The following LAMA3 variants were observed in gnomAD, a reference collection of about 807,000 sequenced individuals.
LAMA3 encodes the protein laminin subunit alpha-3.
In LAMA3, 281 loss-of-function variants were observed where a neutral mutation model predicts 402.0. The ratio of observed to expected loss-of-function variants is 0.70; its 90% CI spans 0.63 to 0.77. LAMA3 has a LOEUF of 0.77. LAMA3 is among the 30% of genes least tolerant of loss of function. The pLI is 0.00. For synonymous variants in LAMA3, 1,431 were observed against 1,558.4 expected, an observed-to-expected ratio of 0.92 and a Z score of 1.93; for missense variants, 3,840 against 4,215.5, an observed-to-expected ratio of 0.91 and a Z score of 2.47.
intron 60 of LAMA3, among the ~76,000 whole-genome samples, chr18:23,916,916 G>A (rs2081648122): frequency 6.7e-6 from 1 of 150,288 alleles, no homozygotes; most frequent in Admixed American, 6.6e-5. Context: ...GTGCAGGTTT[G>A]TTATATAGGT....
intron 14 of LAMA3, among the ~76,000 whole-genome samples, chr18:23,813,884 T>C (rs537488897): frequency 2.0e-5 from 3 of 152,212 alleles, no homozygotes; most frequent in Non-Finnish European, 2.9e-5. Context: ...ATTGTCTGTC[T>C]TCTTGGCCTC....
At chr18:23,849,450 CAGGAAGAG>C (rs2144651207) in intron 32 of LAMA3, among the ~76,000 whole-genome samples, 1 of 152,266 alleles carries the variant, frequency 6.6e-6, no homozygotes, top group South Asian at 2.1e-4. Context: ...AGTTTTCAGG[CAGGAAGAG>C]AAGCAGTAGA....
At chr18:23,740,063 G>T (rs182135252) in intron 2 of LAMA3, among the ~76,000 whole-genome samples, 3 of 152,194 alleles carry the variant, frequency 2.0e-5, no homozygotes, top group African/African-American at 7.2e-5. Flanking sequence ...AACCAGGTCC[G>T]AGACAAAACA....
chr18:23,816,389 G>T lies in LAMA3; in HGVS notation c.2049G>T (p.Gly683=), dbSNP rs757562507. 1.9e-6 allele frequency: 3 copies of T among 1,613,676 alleles called. No individual in the cohort carries two copies. The highest frequency in any genetic ancestry group is 2.5e-6 in the Non-Finnish European group (3 of 1,179,580). ...LEKSNYFGCQ[G]CQCDIGGALS... ...CTGCTGCTGTTTCCTGGCTTTCAGG[G>T]TGTCAGTGTGACATTGGTGGGGCAT... Residue 683 remains glycine, a splice_region_variant and synonymous_variant, in exon 18 of 75, where the codon GGG becomes GGT. Coordinates refer to ENST00000313654, the MANE Select transcript of LAMA3 (RefSeq NM_198129.4).
At chr18:23,717,484 T>C (rs552583627) in intron 2 of LAMA3, among the ~76,000 whole-genome samples, 2 of 152,038 alleles carry the variant, frequency 1.3e-5, no homozygotes, top group South Asian at 2.1e-4. Flanking sequence ...GTGTTTTTCA[T>C]TGTTATTTTT....
chr18:23,720,664 T>C (rs893832331), intron 2 of LAMA3, among the ~76,000 whole-genome samples: 1 of 152,164 alleles, frequency 6.6e-6, no homozygotes, highest in African/African-American at 2.4e-5. Context: ...TTAATGAACA[T>C]CATCATGAGG....
chr18:23,913,061 C>T (rs920618987), intron 56 of LAMA3, among the ~76,000 whole-genome samples, 180 bp downstream of exon 56: 14 of 152,208 alleles, frequency 9.2e-5, no homozygotes, highest in Non-Finnish European at 2.1e-4. Context: ...GCAGTGCCCT[C>T]GAGGGGCCTC....
At chr18:23,787,804 A>G (rs2062574445) in intron 12 of LAMA3, among the ~76,000 whole-genome samples, 1 of 152,190 alleles carries the variant, frequency 6.6e-6, no homozygotes. Flanking sequence ...AACCTGACTT[A>G]TAAGAAATAA....
At chr18:23,805,495 T>C (rs1173666774) in intron 12 of LAMA3, among the ~76,000 whole-genome samples, 1 of 152,156 alleles carries the variant, frequency 6.6e-6, no homozygotes, top group Non-Finnish European at 1.5e-5. Flanking sequence ...ACTCCATAGG[T>C]CAGGGAACCA....
At chr18:23,923,598 T>C (rs2145332318) in intron 62 of LAMA3, among the ~76,000 whole-genome samples, 1 of 152,232 alleles carries the variant, frequency 6.6e-6, no homozygotes, top group Non-Finnish European at 1.5e-5. Flanking sequence ...TCCAGGAGCC[T>C]GAGACACAGC....
chr18:23,871,710 C>T, intron 38 of LAMA3, 49 bp downstream of exon 38: 5 of 1,464,716 alleles, frequency 3.4e-6, no homozygotes, highest in Non-Finnish European at 4.7e-6. Flanking sequence ...CTCCTGTGGC[C>T]GTTTTTGGCT....
intron 66 of LAMA3, among the ~76,000 whole-genome samples, chr18:23,932,960 T>C (rs948415544): frequency 1.3e-5 from 2 of 152,172 alleles, no homozygotes; most frequent in African/African-American, 4.8e-5. Flanking sequence ...AACATCTTCC[T>C]TGAACATCTA....
intron 1 of LAMA3, among the ~76,000 whole-genome samples, chr18:23,707,342 T>G (rs1470587607): frequency 6.6e-6 from 1 of 152,234 alleles, no homozygotes; most frequent in Admixed American, 6.5e-5. Context: ...ACTTCTTGCC[T>G]GCTGGCTTCC....
chr18:23,843,907 G>A (rs1200428902), intron 29 of LAMA3, among the ~76,000 whole-genome samples: 1 of 152,056 alleles, frequency 6.6e-6, no homozygotes, highest in Non-Finnish European at 1.5e-5. Context: ...GACATTTTCT[G>A]TCTGTTTCTC....
intron 27 of LAMA3, among the ~76,000 whole-genome samples, chr18:23,840,419 A>G (rs2063675605): frequency 8.6e-6 from 1 of 116,010 alleles, no homozygotes; most frequent in Admixed American, 1.2e-4. Flanking sequence ...TTCTTGCTCT[A>G]TCACTCAAAC....
At chr18:23,791,457 C>T (rs1384663748) in intron 12 of LAMA3, among the ~76,000 whole-genome samples, 1 of 152,196 alleles carries the variant, frequency 6.6e-6, no homozygotes, top group East Asian at 1.9e-4. Flanking sequence ...ATAGGCCAGA[C>T]ATAGTGGCTC....
intron 1 of LAMA3, among the ~76,000 whole-genome samples, chr18:23,707,409 G>GA (rs1159452401): frequency 6.6e-6 from 1 of 152,224 alleles, no homozygotes; most frequent in Non-Finnish European, 1.5e-5. Flanking sequence ...GAATGTCCCA[G>GA]AATGACACAT....
intron 32 of LAMA3, among the ~76,000 whole-genome samples, chr18:23,852,107 T>TG (rs1252226533): frequency 6.6e-5 from 10 of 152,240 alleles, no homozygotes; most frequent in Non-Finnish European, 1.5e-4. Context: ...TTCCTTTCCA[T>TG]GGCTGTCTAC....
intron 59 of LAMA3, 139 bp downstream of exon 59, chr18:23,915,561 T>C (rs1231016729): frequency 2.6e-6 from 2 of 779,604 alleles, no homozygotes; most frequent in Non-Finnish European, 2.2e-6. Context: ...TTCAAGTATG[T>C]GTGCATGCAA....
Sources: gnomAD v4.1 joint callset for allele counts (sites outside exome capture counted in the v4.1 genomes callset) on GRCh38, gnomAD v4.1.1 for gene constraint, MANE v1.5 for transcripts, NCBI Gene and HGNC (gene_info 2026-07-23, HGNC 2026-07-21) for gene names.